Variants in CELA2A observed in about 807,000 individuals in gnomAD.
CELA2A encodes chymotrypsin-like elastase family member 2A.
In CELA2A, 31 loss-of-function variants were observed where a neutral mutation model predicts 35.3. The observed-to-expected ratio is 0.88, with a 90% CI of 0.66 to 1.19. The LOEUF (loss-of-function observed/expected upper bound fraction) is 1.19. Ranked by LOEUF, CELA2A falls within the 50% of genes most tolerant of loss-of-function variation. The probability of loss-of-function intolerance (pLI) is 0.00; values close to 1 mark genes in which losing one functional copy is unlikely to be tolerated. For missense variants in CELA2A, 330 were observed against 352.9 expected (o/e 0.94, Z 0.52); for synonymous variants, 150 against 149.8 (o/e 1.00, Z -0.01).
At chr1:15,458,784 G>A (rs993034362) in intron 2 of CELA2A, among the ~76,000 whole-genome samples, 23 of 151,756 alleles carry the variant, frequency 1.5e-4, no homozygotes, top group African/African-American at 4.8e-4. Flanking sequence ...ATGGTGGCGG[G>A]CACCTGTAGT....
In CELA2A at chr1:15,461,575, C is replaced by T. The variant is rs1261717165; in HGVS notation, c.144C>T (p.Tyr48=). ...CTTCTCCCCAGGTCTCCCTGCAGTA[C>T]AGCTCCAATGGCAAGTGGTACCACA... ...NSWPWQVSLQ[Y]SSNGKWYHTC... is the part of the protein sequence containing the mutation. The change falls in exon 3 of 8, where the codon TAC becomes TAT. Residue 48 remains tyrosine (Y), a synonymous_variant. Coordinates refer to ENST00000359621, the MANE Select transcript of CELA2A (RefSeq NM_033440.3). 6.2e-7 allele frequency: 1 copy of T among 1,612,262 alleles called. No individual in the cohort carries two copies. The highest frequency in any genetic ancestry group is 1.7e-5 in the Admixed American group (1 of 60,020).
intron 1 of CELA2A, 94 bp downstream of exon 1, chr1:15,456,887 C>T: frequency 6.7e-7 from 1 of 1,502,004 alleles, no homozygotes; most frequent in Non-Finnish European, 9.2e-7. Flanking sequence ...CCACCCAACC[C>T]CTACTGCATT....
At chr1:15,461,421 G>T in intron 2 of CELA2A, 140 bp from the exon 3 acceptor site, 1 of 769,338 alleles carries the variant, frequency 1.3e-6, no homozygotes, top group Non-Finnish European at 2.1e-6. Context: ...TGAGGTTTTG[G>T]GTGCTGCCTT....
chr1:15,467,528 G>A lies in CELA2A; in HGVS notation c.782G>A (p.Trp261Ter). ...ACGCGGGTCTCCAATTACATCGACT[G>A]GATCAATTCGGTAAGAACCGGACCA... ...VFTRVSNYID[W>*]INSVIANN The change falls in exon 7 of 8, where the codon TGG becomes TAG. Residue 261 changes from tryptophan to a stop codon, truncating the protein, a stop_gained. Coordinates refer to ENST00000359621, the MANE Select transcript of CELA2A (RefSeq NM_033440.3). LOFTEE classifies it high-confidence loss of function. The A allele has an allele frequency of 6.2e-7, 1 of 1,614,096 alleles. No homozygotes were observed. The highest frequency in any genetic ancestry group is 8.5e-7 in the Non-Finnish European group (1 of 1,180,026).
intron 2 of CELA2A, among the ~76,000 whole-genome samples, chr1:15,458,215 G>A (rs557940622): frequency 1.3e-5 from 2 of 151,916 alleles, no homozygotes; most frequent in Non-Finnish European, 2.9e-5. Context: ...CTACAAACCC[G>A]TTTCTTTAAA....
chr1:15,464,326 C>A (rs1235495907), intron 5 of CELA2A, among the ~76,000 whole-genome samples: 1 of 152,090 alleles, frequency 6.6e-6, no homozygotes, highest in Non-Finnish European at 1.5e-5. Context: ...GCCATTAGGT[C>A]TTGCTGCTCA....
chr1:15,462,262 A>G (rs1384716565), intron 3 of CELA2A: 1 of 457,386 alleles, frequency 2.2e-6, no homozygotes, highest in African/African-American at 2.2e-5. Flanking sequence ...TCCGATTTAT[A>G]ATAAGCTCTA....
At chr1:15,464,118 C>A (rs1489237316) in intron 5 of CELA2A, among the ~76,000 whole-genome samples, 3 of 152,070 alleles carry the variant, frequency 2.0e-5, no homozygotes, top group Admixed American at 2.0e-4. Context: ...GGAGATAATC[C>A]ATAGGAAGCC....
chr1:15,467,125 G>A lies in CELA2A; in HGVS notation c.640-261G>A, dbSNP rs146298872. ...TTCTCCTCTTCCGTGGCCTGGGGAT[G>A]CTACGAATATTTACCTCATAGGATT... On this transcript the variant is annotated intron_variant, in intron 6 of 7. Coordinates refer to ENST00000359621, the MANE Select transcript of CELA2A (RefSeq NM_033440.3). 1.6e-3 allele frequency among the ~76,000 whole-genome samples: 246 copies of A among 152,316 alleles called. 1 individual carries two copies. Among genetic ancestry groups the A allele is most frequent in the African/African-American group, 5.1e-3 (211 of 41,580 alleles).
intron 7 of CELA2A, 152 bp downstream of exon 7, chr1:15,467,690 T>C: frequency 1.0e-6 from 1 of 959,544 alleles, no homozygotes; most frequent in Non-Finnish European, 1.5e-6. Flanking sequence ...GAGTAACTGC[T>C]GGGCCTGCCA....
At chr1:15,471,659 GT>G (rs1708595321) in intron 7 of CELA2A, among the ~76,000 whole-genome samples, 1 of 152,056 alleles carries the variant, frequency 6.6e-6, no homozygotes, top group South Asian at 2.1e-4. Flanking sequence ...GCAAACAGCA[GT>G]TTTGATTTAA....
chr1:15,469,095 T>C (rs1272110819), intron 7 of CELA2A, among the ~76,000 whole-genome samples: 1 of 152,118 alleles, frequency 6.6e-6, no homozygotes, highest in African/African-American at 2.4e-5. Flanking sequence ...GGGGAATCAC[T>C]TGAACCTGGG....
intron 2 of CELA2A, 149 bp downstream of exon 2, chr1:15,457,323 T>G: frequency 1.3e-6 from 1 of 748,504 alleles, no homozygotes; most frequent in Non-Finnish European, 2.2e-6. Context: ...CAATAAGATA[T>G]ATTTCCGGCT....
rs180779193 is a variant in CELA2A, at chr1:15,470,424, T to C, written c.793-1566T>C. On this transcript the variant is annotated intron_variant, in intron 7 of 7. Coordinates refer to ENST00000359621, the MANE Select transcript of CELA2A (RefSeq NM_033440.3). ...AAATGTCCATTGAATGACAGTCACA[T>C]GTGAACCTTCAGCAATCCTTAGTTT... Among the ~76,000 whole-genome samples the C allele has an allele frequency of 2.6e-5, 4 of 152,292 alleles. No homozygotes were observed. In the East Asian group the frequency reaches 7.7e-4, roughly 29 times the overall value.
At chr1:15,462,370 T>C (rs1708447326) in intron 3 of CELA2A, among the ~76,000 whole-genome samples, 1 of 152,156 alleles carries the variant, frequency 6.6e-6, no homozygotes, top group Admixed American at 6.5e-5. Flanking sequence ...AGGTTACGCC[T>C]CTCTGGGCCT....
Position 15,463,515 on chromosome 1 carries a change from G to A in CELA2A, c.486G>A (p.Arg162=). 3.7e-6 allele frequency: 6 copies of A among 1,613,668 alleles called. No homozygotes were observed. Among genetic ancestry groups the A allele is most frequent in the Non-Finnish European group, 5.1e-6 (6 of 1,179,704 alleles). The change falls in exon 5 of 8, where the codon AGG becomes AGA. Residue 162 remains arginine, a synonymous_variant. Coordinates refer to ENST00000359621, the MANE Select transcript of CELA2A (RefSeq NM_033440.3). The part of the protein sequence containing the change: ...NYPCYVTGWG[R]LQTNGAVPDV... ...CCTGCTACGTCACGGGCTGGGGAAG[G>A]CTGCAGAGTAAGTGGGAGCCAGGAG...
intron 7 of CELA2A, among the ~76,000 whole-genome samples, chr1:15,471,014 T>C (rs1708588009): frequency 6.6e-6 from 1 of 152,242 alleles, no homozygotes; most frequent in Non-Finnish European, 1.5e-5. Context: ...CAGCTGTTTT[T>C]CACTTAACAC....
intron 1 of CELA2A, 95 bp from the exon 2 acceptor site, chr1:15,456,991 G>A: frequency 1.5e-6 from 2 of 1,360,980 alleles, no homozygotes; most frequent in East Asian, 2.3e-5. Flanking sequence ...TCTAGAACAA[G>A]GGTTTTCTAT....
At chr1:15,462,663 G>T (rs1708451391) in intron 3 of CELA2A, 70 bp from the exon 4 acceptor site, 2 of 1,587,478 alleles carry the variant, frequency 1.3e-6, no homozygotes, top group Admixed American at 3.5e-5. Context: ...AGTTACTTGG[G>T]TCTATCCCCA....
Sources: gnomAD v4.1 joint callset for allele counts (sites outside exome capture counted in the v4.1 genomes callset) on GRCh38, gnomAD v4.1.1 for gene constraint, MANE v1.5 for transcripts, NCBI Gene and HGNC (gene_info 2026-07-23, HGNC 2026-07-21) for gene names.